HTR4: variants seen among roughly 807,000 people sequenced by gnomAD.
HTR4 encodes the protein 5-hydroxytryptamine (serotonin) receptor 4, G protein-coupled.
In HTR4, 16 loss-of-function variants were observed where a neutral mutation model predicts 36.8. The observed-to-expected ratio is 0.43, with a 90% CI of 0.29 to 0.66. HTR4 has a LOEUF of 0.66. Ranked by LOEUF, HTR4 falls within the 30% of genes least tolerant of loss-of-function variation. The pLI, the probability that HTR4 is intolerant of heterozygous loss-of-function variation, is 0.13. For synonymous variants in HTR4, 189 were observed against 185.1 expected (o/e 1.02, Z -0.17); for missense variants, 438 against 490.9 (o/e 0.89, Z 1.02).
chr5:148,473,023 G>A (rs1038001654), downstream of HTR4, among the ~76,000 whole-genome samples: 4 of 152,126 alleles, frequency 2.6e-5, no homozygotes, highest in Non-Finnish European at 4.4e-5. Context: ...GAAGAGGCTG[G>A]GCGCGGTGGC....
chr5:148,570,069 G>A (rs769926879), intron 2 of HTR4, among the ~76,000 whole-genome samples: 22 of 152,064 alleles, frequency 1.4e-4, no homozygotes, highest in African/African-American at 2.2e-4. Flanking sequence ...TGCCAAATAG[G>A]TCATACACAA....
intron 5 of HTR4, among the ~76,000 whole-genome samples, chr5:148,521,596 T>A (rs1282382053): frequency 6.6e-6 from 1 of 151,934 alleles, no homozygotes; most frequent in Non-Finnish European, 1.5e-5. Context: ...CTGGTAAACA[T>A]CCATAATCAC....
chr5:148,509,530 G>A lies in HTR4; in HGVS notation c.1002C>T (p.Tyr334=), dbSNP rs376718551. The A allele has an allele frequency of 6.8e-6, 11 of 1,613,932 alleles. No individual in the cohort carries two copies. Among genetic ancestry groups the A allele is most frequent in the Non-Finnish European group, 8.5e-6 (10 of 1,179,976 alleles). ...TCTGGCCCAGAATGGAAGGTCTTCGGTAGCGCTCATCATCACAGCAGAGGA... is the reference window on the plus strand; with the variant it reads ...TCTGGCCCAGAATGGAAGGTCTTCGATAGCGCTCATCATCACAGCAGAGGA... ...LIILCCDDER[Y]RRPSILGQTV... The change falls in exon 6 of 7, where the codon TAC becomes TAT. Residue 334 remains tyrosine (Y), a synonymous_variant. Transcript: ENST00000377888.
At chr5:148,532,891 T>C (rs1332956456) in intron 4 of HTR4, among the ~76,000 whole-genome samples, 1 of 152,130 alleles carries the variant, frequency 6.6e-6, no homozygotes, top group East Asian at 1.9e-4. Flanking sequence ...GCCCAATAAT[T>C]TGCATTTTTG....
chr5:148,596,632 C>T (rs555304885), intron 2 of HTR4, among the ~76,000 whole-genome samples: 12 of 151,814 alleles, frequency 7.9e-5, no homozygotes, highest in South Asian at 2.1e-4. Context: ...CCTTCTGCTG[C>T]GACAACCAAA....
chr5:148,543,520 A>G (rs1759223384), intron 4 of HTR4, among the ~76,000 whole-genome samples: 2 of 152,220 alleles, frequency 1.3e-5, no homozygotes, highest in Non-Finnish European at 1.5e-5. Context: ...ACTCACTGGC[A>G]TATATCATAA....
rs541247559 is a variant in HTR4 at position 148,581,360 on chromosome 5, T to C, written c.27-31098A>G. On this transcript the variant is annotated intron_variant, in intron 2 of 6. Coordinates refer to ENST00000377888, the MANE Select transcript of HTR4 (RefSeq NM_000870.7). ...TGTTTTCGTTTAATGTAGCTCTACT[T>C]ATAATTTTTGCTTCTGTTGCCAGTT... 3.9e-5 allele frequency among the ~76,000 whole-genome samples: 6 copies of C among 152,230 alleles called. No individual in the cohort carries two copies. The East Asian group carries it at 1.2e-3, about 29-fold the overall frequency.
At chr5:148,609,862 G>A (rs1032600257) in intron 2 of HTR4, among the ~76,000 whole-genome samples, 9 of 152,106 alleles carry the variant, frequency 5.9e-5, no homozygotes, top group East Asian at 1.9e-4. Context: ...CACCACGCCC[G>A]GCCCATGAGC....
intron 2 of HTR4, among the ~76,000 whole-genome samples, chr5:148,623,585 G>T (rs945554587): frequency 2.0e-5 from 3 of 151,958 alleles, no homozygotes; most frequent in African/African-American, 7.3e-5. Flanking sequence ...TAATAATCTG[G>T]GTTTAGTTGA....
At chr5:148,513,065 T>C (rs10042925) in intron 5 of HTR4, among the ~76,000 whole-genome samples, 1 of 151,684 alleles carries the variant, frequency 6.6e-6, no homozygotes, top group Non-Finnish European at 1.5e-5. Context: ...TTGTGCTCAC[T>C]ACAACCTCTG....
intron 2 of HTR4, among the ~76,000 whole-genome samples, chr5:148,582,366 C>T (rs1761168591): frequency 6.6e-6 from 1 of 151,754 alleles, no homozygotes; most frequent in South Asian, 2.1e-4. Flanking sequence ...TTGTGTGATG[C>T]TGAGGTTTGG....
intron 5 of HTR4, among the ~76,000 whole-genome samples, chr5:148,468,015 T>A (rs1755472107): frequency 2.0e-5 from 3 of 152,228 alleles, no homozygotes; most frequent in Admixed American, 1.3e-4. Context: ...AGGTCAGTCT[T>A]CCCATTCTTA....
downstream of HTR4, among the ~76,000 whole-genome samples, chr5:148,473,805 C>T (rs996995749): frequency 2.0e-5 from 3 of 152,048 alleles, no homozygotes; most frequent in Admixed American, 1.3e-4. Context: ...AGCTAGTGAG[C>T]GGCAAAATGC....
intron 2 of HTR4, among the ~76,000 whole-genome samples, chr5:148,557,670 A>C (rs1225624932): frequency 6.6e-6 from 1 of 151,890 alleles, no homozygotes; most frequent in African/African-American, 2.4e-5. Context: ...ACTGTGAAAG[A>C]CTATCCAGGA....
At chr5:148,563,168 TCTTTC>T (rs1203583105) in intron 2 of HTR4, among the ~76,000 whole-genome samples, 1 of 152,150 alleles carries the variant, frequency 6.6e-6, no homozygotes, top group Admixed American at 6.5e-5. Flanking sequence ...CACCACTCTC[TCTTTC>T]CCAGGCTGCT....
At chr5:148,523,585 G>C (rs1758128448) in intron 4 of HTR4, among the ~76,000 whole-genome samples, 1 of 151,842 alleles carries the variant, frequency 6.6e-6, no homozygotes, top group Admixed American at 6.6e-5. Context: ...AGAAGGAAGA[G>C]AGAGAAAAGA....
At chr5:148,618,463 G>T (rs777531952) in intron 2 of HTR4, among the ~76,000 whole-genome samples, 1 of 152,192 alleles carries the variant, frequency 6.6e-6, no homozygotes, top group Non-Finnish European at 1.5e-5. Flanking sequence ...TCAACAGGAT[G>T]CATTAGCAGG....
At chr5:148,475,219 C>T (rs150696251), downstream of HTR4, among the ~76,000 whole-genome samples, 347 of 152,146 alleles carry the variant, frequency 2.3e-3, 1 homozygote, top group African/African-American at 7.5e-3. Flanking sequence ...AGTGTTAATA[C>T]CTCTATTTTT....
intron 3 of HTR4, among the ~76,000 whole-genome samples, chr5:148,549,353 C>T (rs975681375): frequency 6.6e-6 from 1 of 152,204 alleles, no homozygotes; most frequent in Admixed American, 6.5e-5. Context: ...ACTGTGTACT[C>T]ACATTTATAA....
Sources: gnomAD v4.1 joint callset for allele counts (sites outside exome capture counted in the v4.1 genomes callset) on GRCh38, gnomAD v4.1.1 for gene constraint, MANE v1.5 for transcripts, NCBI Gene and HGNC (gene_info 2026-07-23, HGNC 2026-07-21) for gene names.